Variants in LRTM3 observed in about 807,000 individuals in gnomAD.
LRTM3 encodes leucine-rich repeat transmembrane protein 3.
the LRTM3 span, chr13:102,745,942 T>C: frequency 6.4e-7 from 1 of 1,551,208 alleles, no homozygotes; most frequent in Non-Finnish European, 8.7e-7. Flanking sequence ...CCTCATCTGA[T>C]TTGACAAGCT....
At chr13:102,732,431 C>T in the LRTM3 span, 4 of 1,551,186 alleles carry the variant, frequency 2.6e-6, no homozygotes, top group African/African-American at 1.4e-5. Flanking sequence ...GCTCAATTCT[C>T]TTTTCAGATC....
chr13:102,739,574 C>T, the LRTM3 span: 4 of 1,550,036 alleles, frequency 2.6e-6, no homozygotes, highest in Non-Finnish European at 8.7e-7. Flanking sequence ...TTGCATCTTG[C>T]CCTCTTGTTT....
the LRTM3 span, chr13:102,740,445 G>A: frequency 5.2e-6 from 8 of 1,550,142 alleles, no homozygotes; most frequent in Admixed American, 3.9e-5. Context: ...GGCATTAAAT[G>A]TTGCAGGAGA....
At chr13:102,747,691 C>A in the LRTM3 span, 3 of 1,551,134 alleles carry the variant, frequency 1.9e-6, no homozygotes, top group Non-Finnish European at 2.6e-6. Context: ...TAAGTGGATT[C>A]TTTGGATCTC....
the LRTM3 span, chr13:102,748,496 T>C: frequency 1.1e-5 from 17 of 1,550,972 alleles, no homozygotes; most frequent in Admixed American, 2.0e-5. Context: ...GGTTGGTAAC[T>C]CCTCTCCATT....
the LRTM3 span, among the ~76,000 whole-genome samples, chr13:102,752,990 C>T: frequency 6.6e-6 from 1 of 152,038 alleles, no homozygotes; most frequent in Non-Finnish European, 1.5e-5. Context: ...CATGGACATG[C>T]ATATACAGAG....
At chr13:102,740,835 C>A in the LRTM3 span, 1 of 1,549,786 alleles carries the variant, frequency 6.5e-7, no homozygotes, top group African/African-American at 1.4e-5. Context: ...GCCTTTAATG[C>A]TTTCTTTACC....
chr13:102,741,678 C>A, the LRTM3 span: 3 of 1,550,296 alleles, frequency 1.9e-6, no homozygotes, highest in East Asian at 2.4e-5. Context: ...GTATCCAACT[C>A]TGTAAAAAAT....
the LRTM3 span, chr13:102,732,971 T>C: frequency 6.4e-7 from 1 of 1,551,442 alleles, no homozygotes; most frequent in Non-Finnish European, 8.7e-7. Context: ...ACCTTCCTCT[T>C]GTTCTGAAAT....
the LRTM3 span, chr13:102,729,463 A>C: frequency 6.9e-7 from 1 of 1,452,634 alleles, no homozygotes; most frequent in Non-Finnish European, 9.1e-7. Flanking sequence ...AGCTATGAAA[A>C]ACGGTAGTAA....
chr13:102,742,689 G>A, the LRTM3 span: 1 of 1,550,672 alleles, frequency 6.4e-7, no homozygotes, highest in Non-Finnish European at 8.7e-7. Flanking sequence ...ACTGCTGATT[G>A]CTTTGCCTGC....
chr13:102,758,360 A>G, the LRTM3 span: 416,024 of 1,332,794 alleles, frequency 0.31, 66,362 homozygotes, highest in Middle Eastern at 0.39. Context: ...ATAGAACACA[A>G]CCAACCTATT....
the LRTM3 span, chr13:102,745,600 C>T: frequency 1.3e-6 from 2 of 1,551,000 alleles, no homozygotes; most frequent in Admixed American, 2.0e-5. Context: ...CTAAAGTTTT[C>T]ATGTCTGAAA....
At chr13:102,750,802 T>C in the LRTM3 span, among the ~76,000 whole-genome samples, 1 of 152,198 alleles carries the variant, frequency 6.6e-6, no homozygotes, top group African/African-American at 2.4e-5. Context: ...TAGCTGTCTA[T>C]AGATAAATCC....
At chr13:102,748,547 T>G in the LRTM3 span, 1 of 1,550,790 alleles carries the variant, frequency 6.4e-7, no homozygotes, top group Non-Finnish European at 8.7e-7. Flanking sequence ...TTGTAGGTCC[T>G]CCTGTATTTT....
At chr13:102,749,026 A>G in the LRTM3 span, 2 of 1,550,702 alleles carry the variant, frequency 1.3e-6, no homozygotes, top group African/African-American at 1.4e-5. Flanking sequence ...GTTTTCTGGA[A>G]TAATTTTTAA....
At chr13:102,740,162 G>A in the LRTM3 span, 2 of 1,547,780 alleles carry the variant, frequency 1.3e-6, no homozygotes, top group East Asian at 2.4e-5. Context: ...TAACTTGGGT[G>A]AGCTATTATT....
the LRTM3 span, among the ~76,000 whole-genome samples, chr13:102,755,841 AT>A: frequency 5.9e-4 from 89 of 149,728 alleles, no homozygotes; most frequent in Non-Finnish European, 1.1e-3. Context: ...AAATAAAAAA[AT>A]ACTATGTTCA....
the LRTM3 span, chr13:102,737,098 GA>G: frequency 6.4e-7 from 1 of 1,551,124 alleles, no homozygotes; most frequent in Non-Finnish European, 8.7e-7. Flanking sequence ...CAGGGATATT[GA>G]GTGTATGTGG....
Sources: gnomAD v4.1 joint callset for allele counts (sites outside exome capture counted in the v4.1 genomes callset) on GRCh38, gnomAD v4.1.1 for gene constraint, MANE v1.5 for transcripts, NCBI Gene and HGNC (gene_info 2026-07-23, HGNC 2026-07-21) for gene names.